Variants in SEMA4D observed in about 807,000 individuals in gnomAD.
SEMA4D encodes semaphorin 4D, also known as semaphorin-4D.
In SEMA4D, 22 loss-of-function variants were observed where a neutral mutation model predicts 74.8. That is an observed-to-expected ratio of 0.29 (90% CI 0.21 to 0.42). The LOEUF is 0.42. Ranked by LOEUF, SEMA4D falls within the 10% of genes least tolerant of loss-of-function variation. SEMA4D has a pLI of 1.00. For missense variants in SEMA4D, 937 were observed against 1,118.4 expected (o/e 0.84, Z 2.31); for synonymous variants, 445 against 463.7 (o/e 0.96, Z 0.52).
intron 1 of SEMA4D, among the ~76,000 whole-genome samples, chr9:89,458,684 C>CA (rs1564862959): frequency 7.9e-5 from 12 of 152,134 alleles, no homozygotes; most frequent in African/African-American, 2.9e-4. Flanking sequence ...TACAGAGACA[C>CA]ACATACATAC....
intron 2 of SEMA4D, among the ~76,000 whole-genome samples, chr9:89,448,328 T>TTGATCTCCTTTGGGG (rs1853484018): frequency 6.6e-6 from 1 of 152,228 alleles, no homozygotes; most frequent in African/African-American, 2.4e-5. Flanking sequence ...ACCTGACCTA[T>TTGATCTCCTTTGGGG]TGATCTCCTT....
At chr9:89,436,734 G>T (rs936324313) in intron 2 of SEMA4D, among the ~76,000 whole-genome samples, 6 of 152,270 alleles carry the variant, frequency 3.9e-5, no homozygotes, top group Non-Finnish European at 8.8e-5. Flanking sequence ...CCTTAGAGGA[G>T]GGTGTGGGGG....
chr9:89,403,907 C>G (rs982843445), intron 3 of SEMA4D, among the ~76,000 whole-genome samples: 1 of 152,136 alleles, frequency 6.6e-6, no homozygotes, highest in African/African-American at 2.4e-5. Flanking sequence ...CTAGCCTGGG[C>G]AACAGAGCCA....
intron 2 of SEMA4D, among the ~76,000 whole-genome samples, chr9:89,434,432 C>G (rs1486801401): frequency 6.6e-6 from 1 of 152,202 alleles, no homozygotes; most frequent in Non-Finnish European, 1.5e-5. Context: ...TTTCATGAAG[C>G]TTCATGTATG....
Position 89,381,427 on chromosome 9 carries a change from T to TG in SEMA4D, c.1447-82dup. 1 of 1,334,826 alleles carries TG rather than the reference T, an allele frequency of 7.5e-7. No homozygotes were observed. Among genetic ancestry groups the TG allele is most frequent in the Non-Finnish European group, 1.0e-6 (1 of 997,658 alleles). The allele number at this position is 1,334,826 out of a possible 1,614,324, so 82.7% of individuals were successfully genotyped here. Reference sequence around the variant, plus strand: ...TGGCCTCTGCTTCTGCACCAGTGTGTGGGAAGCAGCCAGAGTGTACCTTCA... The same window carrying TG: ...TGGCCTCTGCTTCTGCACCAGTGTGTGGGGAAGCAGCCAGAGTGTACCTTCA... On this transcript the variant is annotated intron_variant, in intron 13 of 15. Coordinates refer to ENST00000422704, the MANE Select transcript of SEMA4D (RefSeq NM_001371194.2). This position sits in a 1 kb window ranked among gnomAD's most constrained non-coding sequence, Gnocchi z 4.6.
chr9:89,415,209 C>T (rs1183891865), intron 2 of SEMA4D, among the ~76,000 whole-genome samples: 1 of 152,094 alleles, frequency 6.6e-6, no homozygotes, highest in Non-Finnish European at 1.5e-5. Context: ...TGCATGCATC[C>T]TTGGGCCCAA....
At chr9:89,372,618 G>C (rs935690703), downstream of SEMA4D, among the ~76,000 whole-genome samples, 3 of 151,952 alleles carry the variant, frequency 2.0e-5, no homozygotes, top group Non-Finnish European at 2.9e-5. Context: ...TGAGGCAGTC[G>C]GCCACTCCCA....
chr9:89,449,648 G>T, intron 2 of SEMA4D: 1 of 1,440,506 alleles, frequency 6.9e-7, no homozygotes, highest in African/African-American at 1.4e-5. Context: ...TTGCCAATGG[G>T]GTACTTCGGT....
At chr9:89,490,875 G>A (rs923854867) in intron 1 of SEMA4D, among the ~76,000 whole-genome samples, 1 of 152,120 alleles carries the variant, frequency 6.6e-6, no homozygotes, top group Non-Finnish European at 1.5e-5. Context: ...GGGATTCTCA[G>A]GGCCATATGG....
intron 4 of SEMA4D, among the ~76,000 whole-genome samples, chr9:89,400,357 C>T (rs1841927290): frequency 6.6e-6 from 1 of 152,222 alleles, no homozygotes; most frequent in African/African-American, 2.4e-5. Flanking sequence ...CCAAAATGCC[C>T]CCTCTCTCTG....
At chr9:89,402,246 G>T (rs1335959193) in intron 4 of SEMA4D, among the ~76,000 whole-genome samples, 1 of 152,200 alleles carries the variant, frequency 6.6e-6, no homozygotes, top group Admixed American at 6.5e-5. Flanking sequence ...GTGGGACATG[G>T]GATGGGCTGT....
At chr9:89,447,254 C>A (rs964384380) in intron 2 of SEMA4D, among the ~76,000 whole-genome samples, 5 of 152,064 alleles carry the variant, frequency 3.3e-5, no homozygotes, top group Non-Finnish European at 7.4e-5. Context: ...CCCTGGGAGA[C>A]CTCCATATCC....
chr9:89,453,402 T>G (rs1240892297), intron 2 of SEMA4D, among the ~76,000 whole-genome samples: 1 of 152,254 alleles, frequency 6.6e-6, no homozygotes, highest in African/African-American at 2.4e-5. Context: ...CATTGTATCC[T>G]GTGGCTCTCT....
chr9:89,481,768 C>T (rs1340077027), intron 1 of SEMA4D, among the ~76,000 whole-genome samples: 3 of 152,230 alleles, frequency 2.0e-5, no homozygotes, highest in Non-Finnish European at 1.5e-5. Flanking sequence ...TTAACCTGCG[C>T]TGTGATCAGC....
chr9:89,384,957 C>G, intron 13 of SEMA4D: 1 of 985,424 alleles, frequency 1.0e-6, no homozygotes, highest in Non-Finnish European at 1.2e-6. Flanking sequence ...CTTGTCCAGG[C>G]AACTAAGCCA....
chr9:89,414,308 TG>T, intron 2 of SEMA4D, among the ~76,000 whole-genome samples: 1 of 152,200 alleles, frequency 6.6e-6, no homozygotes, highest in Non-Finnish European at 1.5e-5. Flanking sequence ...AACTACTGCC[TG>T]GGGGAGCGTG....
chr9:89,431,565 A>T (rs1849284327), intron 2 of SEMA4D, among the ~76,000 whole-genome samples: 2 of 152,214 alleles, frequency 1.3e-5, no homozygotes, highest in Admixed American at 6.5e-5. Flanking sequence ...CGGTGCAATC[A>T]TAGCTCACTG....
chr9:89,393,623 AT>A lies in SEMA4D; in HGVS notation c.446del (p.Asn149MetfsTer49). On this transcript the variant is annotated frameshift_variant, in exon 7 of 16. Coordinates refer to ENST00000422704, the MANE Select transcript of SEMA4D (RefSeq NM_001371194.2). LOFTEE classifies it high-confidence loss of function. ...NLTSFKFLGK[N>X]EDGKGRCPFD... is the part of the protein sequence containing the mutation. The stretch of plus-strand genomic sequence containing the variant: ...AGGGACATCTTCCTTTGCCATCTTC[AT>A]TTTTCCCCAGAAACTTAAAGGATGT... 1 of 1,614,146 alleles carries A rather than the reference AT, an allele frequency of 6.2e-7. No individual in the cohort carries two copies. The highest frequency in any genetic ancestry group is 1.1e-5 in the South Asian group (1 of 91,088).
chr9:89,375,501 A>C, downstream of SEMA4D, among the ~76,000 whole-genome samples: 1 of 152,194 alleles, frequency 6.6e-6, no homozygotes, highest in East Asian at 1.9e-4. Flanking sequence ...GGGCTCTCAG[A>C]GCTTGTTTAA....
Sources: gnomAD v4.1 joint callset for allele counts (sites outside exome capture counted in the v4.1 genomes callset) on GRCh38, gnomAD v4.1.1 for gene constraint, Gnocchi (gnomAD v3.1) non-coding constraint, MANE v1.5 for transcripts, NCBI Gene and HGNC (gene_info 2026-07-23, HGNC 2026-07-21) for gene names.